EPM2A: variants seen among roughly 807,000 people sequenced by gnomAD.
EPM2A encodes the protein EPM2A glucan phosphatase, laforin, also known as laforin.
EPM2A carries 21 observed loss-of-function variants against 26.5 expected under a neutral mutation model. That is an observed-to-expected ratio of 0.79 (90% confidence interval 0.56 to 1.14). The LOEUF is 1.14. Among genes scored for constraint, EPM2A ranks in the 50% most tolerant of loss-of-function variants. EPM2A has a pLI of 0.00. For synonymous variants in EPM2A, 217 were observed against 177.6 expected, an observed-to-expected ratio of 1.22 and a Z score of -1.76; for missense variants, 458 against 440.8, an observed-to-expected ratio of 1.04 and a Z score of -0.35.
chr6:145,552,215 T>C (rs1582846508), intron 2 of EPM2A, among the ~76,000 whole-genome samples: 1 of 152,012 alleles, frequency 6.6e-6, no homozygotes, highest in South Asian at 2.1e-4. Flanking sequence ...TGAGAACTTT[T>C]AAGAACTATT....
intron 4 of EPM2A, among the ~76,000 whole-genome samples, chr6:145,452,746 T>A (rs1779214758): frequency 6.6e-6 from 1 of 151,716 alleles, no homozygotes; most frequent in Non-Finnish European, 1.5e-5. Flanking sequence ...TATTTTCAAG[T>A]AATGTTTGAA....
chr6:145,681,112 T>C (rs1780496329), intron 2 of EPM2A, among the ~76,000 whole-genome samples: 1 of 152,184 alleles, frequency 6.6e-6, no homozygotes, highest in South Asian at 2.1e-4. Flanking sequence ...TATCTAATTG[T>C]GGTTTTGATT....
At chr6:145,454,246 T>C (rs1779232947) in intron 4 of EPM2A, among the ~76,000 whole-genome samples, 1 of 152,200 alleles carries the variant, frequency 6.6e-6, no homozygotes, top group South Asian at 2.1e-4. Context: ...ACTAAATTGC[T>C]GGAAAAAATA....
At chr6:145,415,989 G>A (rs1778702877) in intron 4 of EPM2A, among the ~76,000 whole-genome samples, 1 of 152,152 alleles carries the variant, frequency 6.6e-6, no homozygotes, top group Non-Finnish European at 1.5e-5. Flanking sequence ...TACGCCAGAA[G>A]ACTGGCTTTG....
intron 2 of EPM2A, among the ~76,000 whole-genome samples, chr6:145,512,823 C>T (rs1780074602): frequency 1.3e-5 from 2 of 151,134 alleles, no homozygotes; most frequent in Admixed American, 1.3e-4. Context: ...GGAAAGAACT[C>T]TCTATTCAAT....
chr6:145,600,368 G>A (rs1781401364), intron 2 of EPM2A, among the ~76,000 whole-genome samples: 1 of 152,124 alleles, frequency 6.6e-6, no homozygotes, highest in South Asian at 2.1e-4. Context: ...TACATACAAT[G>A]ATAGCAGAGT....
At chr6:145,703,722 C>A (rs1032859520) in intron 1 of EPM2A, among the ~76,000 whole-genome samples, 3 of 152,170 alleles carry the variant, frequency 2.0e-5, no homozygotes, top group Non-Finnish European at 4.4e-5. Flanking sequence ...ACCTCAAAAC[C>A]TTAATATCAA....
At chr6:145,582,907 T>C (rs1261382871) in intron 2 of EPM2A, among the ~76,000 whole-genome samples, 1 of 152,190 alleles carries the variant, frequency 6.6e-6, no homozygotes, top group Non-Finnish European at 1.5e-5. Flanking sequence ...GAACCAGTAT[T>C]CGAGCTCTTA....
intron 2 of EPM2A, among the ~76,000 whole-genome samples, chr6:145,556,041 TA>T (rs775457774): frequency 1.3e-5 from 2 of 152,208 alleles, no homozygotes; most frequent in Non-Finnish European, 2.9e-5. Context: ...CAGATTCCAT[TA>T]TTTTTTTCTC....
chr6:145,387,230 C>G (rs969190001), intron 4 of EPM2A, among the ~76,000 whole-genome samples: 1 of 152,134 alleles, frequency 6.6e-6, no homozygotes, highest in African/African-American at 2.4e-5. Flanking sequence ...AAATGATATT[C>G]TCAAGAAAAC....
chr6:145,711,465 A>T (rs1453918611), intron 1 of EPM2A, among the ~76,000 whole-genome samples: 1 of 152,190 alleles, frequency 6.6e-6, no homozygotes, highest in African/African-American at 2.4e-5. Context: ...AACTACTTAT[A>T]GGACTCCCAG....
chr6:145,693,388 T>C (rs1781392663), intron 1 of EPM2A, among the ~76,000 whole-genome samples: 2 of 152,098 alleles, frequency 1.3e-5, no homozygotes, highest in African/African-American at 4.8e-5. Context: ...TGTCTTCCTA[T>C]TTGGATGTGG....
intron 1 of EPM2A, among the ~76,000 whole-genome samples, chr6:145,690,994 A>G (rs1403922234): frequency 6.6e-6 from 1 of 151,820 alleles, no homozygotes; most frequent in Non-Finnish European, 1.5e-5. Context: ...AAAAAAACAG[A>G]CACTTAGGGA....
chr6:145,688,807 T>C (rs1191227269), intron 1 of EPM2A, among the ~76,000 whole-genome samples: 3 of 152,088 alleles, frequency 2.0e-5, no homozygotes, highest in Non-Finnish European at 4.4e-5. Flanking sequence ...AGTGACTAAG[T>C]GAAGCAGCAG....
At chr6:145,408,871 C>G (rs1034894645) in intron 4 of EPM2A, among the ~76,000 whole-genome samples, 11 of 152,136 alleles carry the variant, frequency 7.2e-5, no homozygotes, top group African/African-American at 2.7e-4. Context: ...TACAGGAGCA[C>G]TAATGACATT....
chr6:145,707,663 C>T (rs1346037294), intron 1 of EPM2A, among the ~76,000 whole-genome samples: 1 of 152,140 alleles, frequency 6.6e-6, no homozygotes, highest in Non-Finnish European at 1.5e-5. Flanking sequence ...CTTCTTTTGC[C>T]TTCCGCCATG....
chr6:145,634,216 G>T (rs1776477686), intron 3 of EPM2A, among the ~76,000 whole-genome samples: 3 of 152,080 alleles, frequency 2.0e-5, no homozygotes, highest in Non-Finnish European at 4.4e-5. Context: ...TACTATCGGT[G>T]TAACTTGGTT....
At chr6:145,638,870 A>G (rs1477293524) in intron 2 of EPM2A, 1 of 152,200 alleles carries the variant, frequency 6.6e-6, no homozygotes, top group Non-Finnish European at 1.5e-5. Flanking sequence ...TATAGGATTC[A>G]CTGGGGGTAA....
chr6:145,594,486 T>C (rs138204844), intron 2 of EPM2A, among the ~76,000 whole-genome samples: 2 of 151,948 alleles, frequency 1.3e-5, no homozygotes, highest in East Asian at 1.9e-4. Flanking sequence ...TGGAACTCGA[T>C]AGATATTACA....
Sources: gnomAD v4.1 joint callset for allele counts (sites outside exome capture counted in the v4.1 genomes callset) on GRCh38, gnomAD v4.1.1 for gene constraint, MANE v1.5 for transcripts, NCBI Gene and HGNC (gene_info 2026-07-23, HGNC 2026-07-21) for gene names.